The following ARSG variants were observed in gnomAD, a reference collection of about 807,000 sequenced individuals.
ARSG encodes the protein arylsulfatase G.
In ARSG, 37 loss-of-function variants were observed where a neutral mutation model predicts 50.5. That is an observed-to-expected ratio of 0.73 (90% CI 0.56 to 0.96). The LOEUF (loss-of-function observed/expected upper bound fraction) is 0.96, where lower values mean the gene tolerates loss of function less well. Ranked by LOEUF, ARSG falls within the 50% of genes least tolerant of loss-of-function variation. ARSG has a pLI of 0.00. For missense variants in ARSG, 629 were observed against 675.3 expected, an observed-to-expected ratio of 0.93 and a Z score of 0.76; for synonymous variants, 225 against 254.6, an observed-to-expected ratio of 0.88 and a Z score of 1.11.
At chr17:68,263,531 G>A (rs570149494) in intron 1 of ARSG, among the ~76,000 whole-genome samples, 1 of 152,332 alleles carries the variant, frequency 6.6e-6, no homozygotes, top group South Asian at 2.1e-4. Context: ...GTGCAGTGAT[G>A]CCATCTGGAC....
chr17:68,347,006 T>C, intron 3 of ARSG, 119 bp from the exon 4 acceptor site: 2 of 1,559,476 alleles, frequency 1.3e-6, no homozygotes, highest in Non-Finnish European at 1.7e-6. Flanking sequence ...CAGCTTCTTT[T>C]GGCTTGTCCA....
downstream of ARSG, chr17:68,421,940 T>A (rs1013178628): frequency 7.5e-7 from 1 of 1,331,448 alleles, no homozygotes; most frequent in Non-Finnish European, 1.1e-6. Flanking sequence ...ACTGTGGAAT[T>A]TTTCTGTCTG....
In ARSG at chr17:68,346,143, TG is replaced by T. The variant is rs567264630; in HGVS notation, c.407-979del. Among the ~76,000 whole-genome samples the T allele has an allele frequency of 3.8e-4, 58 of 152,292 alleles. 3 individuals are homozygous for T. The South Asian group carries it at 0.012, about 32-fold the overall frequency. On this transcript the variant is annotated intron_variant, in intron 3 of 11. Coordinates refer to ENST00000621439, the MANE Select transcript of ARSG (RefSeq NM_001267727.2). ...CGCCTGCCTCGGCCTCCCAAAGTGC[TG>T]GGATTACAGACATGAGCCACTCAAT...
chr17:68,430,416 T>G, the ARSG span, among the ~76,000 whole-genome samples: 1 of 152,358 alleles, frequency 6.6e-6, no homozygotes, highest in East Asian at 1.9e-4. Context: ...TGCTTTCCCC[T>G]ATTAAAGAAG....
intron 5 of ARSG, among the ~76,000 whole-genome samples, chr17:68,352,800 G>T (rs1033157313): frequency 2.6e-5 from 4 of 152,086 alleles, no homozygotes; most frequent in Non-Finnish European, 5.9e-5. Context: ...GTGAGTCACC[G>T]CACCCAGCGG....
intron 5 of ARSG, among the ~76,000 whole-genome samples, chr17:68,352,919 A>G (rs773069710): frequency 3.9e-5 from 6 of 152,176 alleles, no homozygotes; most frequent in Non-Finnish European, 8.8e-5. Flanking sequence ...TCACTCAGGT[A>G]ATAAAGCAGC....
intron 2 of ARSG, among the ~76,000 whole-genome samples, chr17:68,336,992 A>C (rs909119541): frequency 6.6e-6 from 1 of 152,144 alleles, no homozygotes; most frequent in African/African-American, 2.4e-5. Flanking sequence ...ACCTCTATGG[A>C]GGCCGTGATA....
rs1555748963 is a variant in ARSG, at chr17:68,271,701, G to A, written c.-552+12275G>A. 1 of 1,472,916 alleles carries A rather than the reference G, an allele frequency of 6.8e-7. No individual in the cohort carries two copies. The highest frequency in any genetic ancestry group is 2.3e-5 in the East Asian group (1 of 43,530). The allele number at this position is 1,472,916 out of a possible 1,614,324, so 91.2% of individuals were successfully genotyped here. ...AAGAAATAATATAAGGTCAATAATG[G>A]ACTCAAGACCCAGGAGAAGCCATCA... On this transcript the variant is annotated intron_variant, in intron 1 of 11. Transcript: ENST00000448504. The surrounding 1 kb of genome is among the most constrained non-coding windows in gnomAD (Gnocchi z 5.3).
intron 2 of ARSG, among the ~76,000 whole-genome samples, chr17:68,323,622 A>G (rs374781027): frequency 7.9e-5 from 12 of 152,228 alleles, no homozygotes; most frequent in South Asian, 4.1e-4. Context: ...ATCTAAATCT[A>G]ATTACCACCT....
At chr17:68,372,835 A>G (rs1361233449) in intron 8 of ARSG, among the ~76,000 whole-genome samples, 2 of 151,242 alleles carry the variant, frequency 1.3e-5, no homozygotes, top group Admixed American at 6.6e-5. Flanking sequence ...TAGAAACTGA[A>G]GCATTGTGCG....
the ARSG span, among the ~76,000 whole-genome samples, chr17:68,433,767 T>G: frequency 1.8e-3 from 33 of 18,230 alleles, no homozygotes; most frequent in African/African-American, 4.5e-3. Context: ...ATAGTTTTTT[T>G]TTTTTTTTTT....
intron 6 of ARSG, among the ~76,000 whole-genome samples, chr17:68,357,887 G>C (rs1467311086): frequency 1.3e-5 from 2 of 152,112 alleles, no homozygotes; most frequent in East Asian, 3.9e-4. Context: ...GAAATCTCCT[G>C]ATCTTGAAAT....
intron 1 of ARSG, among the ~76,000 whole-genome samples, chr17:68,305,763 G>T (rs1404164601): frequency 6.6e-6 from 1 of 152,030 alleles, no homozygotes; most frequent in Non-Finnish European, 1.5e-5. Context: ...TTTTCCCCCA[G>T]ATTAACTTCT....
downstream of ARSG, chr17:68,421,601 C>T (rs1426568954): frequency 2.5e-5 from 20 of 813,976 alleles, no homozygotes; most frequent in East Asian, 1.0e-4. Flanking sequence ...CAACCAGGGT[C>T]GTGGGAAGCT....
In ARSG at chr17:68,307,458, G is replaced by A. The variant is rs573521919; in HGVS notation, c.-36G>A. The A allele has an allele frequency of 3.3e-5, 51 of 1,551,196 alleles. No homozygotes were observed. In the South Asian group the frequency reaches 3.5e-4, roughly 11 times the overall value. On this transcript the variant is annotated 5_prime_UTR_variant, in exon 2 of 12. Coordinates refer to ENST00000621439, the MANE Select transcript of ARSG (RefSeq NM_001267727.2). ...AGAAAAATCTCTAGTGGTGGCTGCC[G>A]TCGCTCCAGACAATCGGAATCCTGC...
At chr17:68,449,203 A>C in the ARSG span, among the ~76,000 whole-genome samples, 10 of 152,266 alleles carry the variant, frequency 6.6e-5, no homozygotes, top group Non-Finnish European at 1.5e-4. Flanking sequence ...GCATGGTCAC[A>C]TAAAGAATCT....
intron 2 of ARSG, among the ~76,000 whole-genome samples, chr17:68,312,661 A>G (rs900015687): frequency 6.6e-6 from 1 of 152,178 alleles, no homozygotes; most frequent in East Asian, 1.9e-4. Flanking sequence ...GCCTTGTGAC[A>G]GTGGCCAGGT....
intron 1 of ARSG, among the ~76,000 whole-genome samples, chr17:68,263,882 G>T (rs1419440096): frequency 3.3e-5 from 5 of 151,938 alleles, no homozygotes; most frequent in Non-Finnish European, 7.4e-5. Context: ...TTTTGAGATG[G>T]AATCTTGCTC....
chr17:68,386,423 A>G (rs2080726130), intron 9 of ARSG, among the ~76,000 whole-genome samples: 1 of 152,012 alleles, frequency 6.6e-6, no homozygotes, highest in Non-Finnish European at 1.5e-5. Context: ...CCTAGATCCA[A>G]TGGGGAGGAG....
Sources: gnomAD v4.1 joint callset for allele counts (sites outside exome capture counted in the v4.1 genomes callset) on GRCh38, gnomAD v4.1.1 for gene constraint, Gnocchi (gnomAD v3.1) non-coding constraint, MANE v1.5 for transcripts, NCBI Gene and HGNC (gene_info 2026-07-23, HGNC 2026-07-21) for gene names.